FN1: variants seen among roughly 807,000 people sequenced by gnomAD.
FN1 encodes fibronectin.
In FN1, 106 loss-of-function variants were observed where a neutral mutation model predicts 297.3. The observed-to-expected ratio is 0.36, with a 90% CI of 0.30 to 0.42. FN1 has a LOEUF of 0.42. Among genes scored for constraint, FN1 ranks in the 10% least tolerant of loss-of-function variants. The probability of loss-of-function intolerance (pLI) is 1.00; values close to 1 mark genes in which losing one functional copy is unlikely to be tolerated. For synonymous variants in FN1, 1,149 were observed against 1,152.6 expected, an observed-to-expected ratio of 1.00 and a Z score of 0.06; for missense variants, 2,690 against 3,124.9, an observed-to-expected ratio of 0.86 and a Z score of 3.32.
intron 42 of FN1, among the ~76,000 whole-genome samples, chr2:215,365,979 T>C (rs2054520529): frequency 6.9e-6 from 1 of 143,936 alleles, no homozygotes; most frequent in South Asian, 2.2e-4. Flanking sequence ...TTTTTTTTTT[T>C]TTTTTTTTTT....
intron 12 of FN1, 70 bp from the exon 13 acceptor site, chr2:215,415,028 G>A (rs1368482005): frequency 1.7e-6 from 2 of 1,185,732 alleles, no homozygotes; most frequent in African/African-American, 3.0e-5. Context: ...TGTGTACATG[G>A]ACAGTCATCA....
chr2:215,362,626 C>G (rs992108988), intron 44 of FN1: 1 of 158,798 alleles, frequency 6.3e-6, no homozygotes, highest in Non-Finnish European at 1.4e-5. Flanking sequence ...CTTTGCCACT[C>G]TCTTCCTAAA....
At chr2:215,395,845 G>A (rs2692226) in intron 23 of FN1, among the ~76,000 whole-genome samples, 13 of 152,298 alleles carry the variant, frequency 8.5e-5, no homozygotes, top group African/African-American at 3.1e-4. Context: ...TCATCCATAT[G>A]TGTGGGCTGG....
intron 18 of FN1, 107 bp downstream of exon 18, chr2:215,407,020 T>C (rs1362478184): frequency 2.3e-6 from 2 of 863,828 alleles, no homozygotes; most frequent in Admixed American, 1.8e-5. Context: ...GAAAAACTAA[T>C]ATATAAGATT....
At chr2:215,394,806 G>A in intron 23 of FN1, 87 bp from the exon 24 acceptor site, 6 of 1,042,806 alleles carry the variant, frequency 5.8e-6, no homozygotes, top group Non-Finnish European at 8.9e-6. Context: ...GGATTCACAG[G>A]GCGGAATGCA....
chr2:215,381,116 A>T (rs779426724), intron 32 of FN1, 36 bp from the exon 33 acceptor site: 83 of 1,609,800 alleles, frequency 5.2e-5, no homozygotes, highest in Non-Finnish European at 6.8e-5. Flanking sequence ...GTTATGTGAA[A>T]AGCAAGTTGT....
rs895498435 is a variant in FN1, at chr2:215,404,253, C to G, written c.3253+136G>C. On this transcript the variant is annotated intron_variant, in intron 20 of 45. Coordinates refer to ENST00000354785, the MANE Select transcript of FN1 (RefSeq NM_212482.4). ...ACGGGCCAGCAGCCAGTCTATGGAGCACATTTTTAGTATCACTGATTTAAA... is the reference window on the plus strand; with the variant it reads ...ACGGGCCAGCAGCCAGTCTATGGAGGACATTTTTAGTATCACTGATTTAAA... The G allele has an allele frequency of 2.7e-5, 24 of 904,716 alleles. No individual in the cohort carries two copies. In the Admixed American group the frequency reaches 5.2e-4, roughly 19 times the overall value. 56.0% of individuals were successfully genotyped at this position (904,716 alleles called of 1,614,324 possible).
rs2057840313 is a variant in FN1 at position 215,379,273 on chromosome 2, T to C, written c.5479A>G (p.Thr1827Ala). The C allele has an allele frequency of 1.2e-6, 2 of 1,614,038 alleles. No individual in the cohort carries two copies. Among genetic ancestry groups the C allele is most frequent in the Non-Finnish European group, 1.7e-6 (2 of 1,179,992 alleles). ...GGTGTCCACTGGGCGCTCAGGCTTG[T>C]GGGTGTGACCTGAGTGAACTTCAGG... ...TDLKFTQVTP[T>A]SLSAQWTPPN... The change falls in exon 34 of 46, where the codon ACA becomes GCA. Residue 1827 changes from threonine (T) to alanine (A), a missense_variant. Coordinates refer to ENST00000354785, the MANE Select transcript of FN1 (RefSeq NM_212482.4).
intron 26 of FN1, among the ~76,000 whole-genome samples, chr2:215,389,216 G>C (rs2106034279): frequency 6.6e-6 from 1 of 152,150 alleles, no homozygotes; most frequent in Non-Finnish European, 1.5e-5. Flanking sequence ...TGATTCTCCT[G>C]CCTCAGACTC....
At chr2:215,400,546 G>A (rs2060870904) in intron 20 of FN1, among the ~76,000 whole-genome samples, 1 of 151,868 alleles carries the variant, frequency 6.6e-6, no homozygotes, top group Non-Finnish European at 1.5e-5. Context: ...GAGGCCAGGA[G>A]TTCAAGACCA....
chr2:215,417,633 C>T (rs1290828396), intron 12 of FN1, among the ~76,000 whole-genome samples: 3 of 152,306 alleles, frequency 2.0e-5, no homozygotes, highest in East Asian at 1.9e-4. Context: ...TGCTAGGCCA[C>T]GGAGCAAACC....
chr2:215,373,288 A>T (rs780624156), intron 39 of FN1, 34 bp downstream of exon 39: 3 of 1,531,122 alleles, frequency 2.0e-6, no homozygotes, highest in Non-Finnish European at 2.7e-6. Context: ...GTTTTGTCCT[A>T]TCTTTCTCCT....
Position 215,406,371 on chromosome 2 carries a change from C to T in FN1, c.2853G>A (p.Gly951=). Residue 951 remains glycine (G), a synonymous_variant, in exon 19 of 46, where the codon GGG becomes GGA. Coordinates refer to ENST00000354785, the MANE Select transcript of FN1 (RefSeq NM_212482.4). Reference sequence around the variant, plus strand: ...TGTTCCTGCTGATGGGCAGCCTCTGCCCGTGCTCGCCAGGCAGGTTGACGG... The same window carrying T: ...TGTTCCTGCTGATGGGCAGCCTCTGTCCGTGCTCGCCAGGCAGGTTGACGG... ...VIPVNLPGEH[G]QRLPISRNTF... The T allele has an allele frequency of 6.2e-7, 1 of 1,614,210 alleles. No homozygotes were observed. The highest frequency in any genetic ancestry group is 8.5e-7 in the Non-Finnish European group (1 of 1,180,036).
chr2:215,432,408 GCAAA>G (rs1213160983), intron 3 of FN1, among the ~76,000 whole-genome samples: 7 of 152,342 alleles, frequency 4.6e-5, no homozygotes, highest in Non-Finnish European at 1.0e-4. Context: ...TTGGTGGAAA[GCAAA>G]CAGACATATG....
intron 44 of FN1, chr2:215,362,419 A>G (rs2053647226): frequency 6.3e-6 from 2 of 315,764 alleles, no homozygotes; most frequent in South Asian, 6.1e-5. Context: ...AGGTTTTCAA[A>G]GAATCCTAGC....
At chr2:215,366,786 T>C (rs1262194809) in intron 42 of FN1, among the ~76,000 whole-genome samples, 1 of 152,194 alleles carries the variant, frequency 6.6e-6, no homozygotes, top group Non-Finnish European at 1.5e-5. Context: ...GCTCCCACAA[T>C]TGCACCTAAG....
intron 12 of FN1, among the ~76,000 whole-genome samples, chr2:215,418,668 A>G (rs890546527): frequency 1.3e-5 from 2 of 152,208 alleles, no homozygotes; most frequent in African/African-American, 4.8e-5. Flanking sequence ...TGTGACCTGG[A>G]AAAACCCAGC....
At chr2:215,428,382 G>GC in intron 5 of FN1, 44 bp from the exon 6 acceptor site, 1 of 1,581,402 alleles carries the variant, frequency 6.3e-7, no homozygotes. Flanking sequence ...GTCGAGAGTC[G>GC]CAAGTGGTCA....
intron 40 of FN1, 83 bp from the exon 41 acceptor site, chr2:215,370,515 A>C: frequency 6.2e-6 from 7 of 1,123,086 alleles, no homozygotes; most frequent in Non-Finnish European, 7.9e-6. Context: ...AATAACCCTC[A>C]CTGTTTAAAC....
Sources: gnomAD v4.1 joint callset for allele counts (sites outside exome capture counted in the v4.1 genomes callset) on GRCh38, gnomAD v4.1.1 for gene constraint, MANE v1.5 for transcripts, NCBI Gene and HGNC (gene_info 2026-07-23, HGNC 2026-07-21) for gene names.